The following AGBL1 variants were observed in gnomAD, a reference collection of about 807,000 sequenced individuals.
AGBL1 encodes AGBL carboxypeptidase 1.
A neutral mutation model predicts 118.9 loss-of-function variants in AGBL1; 130 were observed. The observed-to-expected ratio is 1.09, with a 90% confidence interval of 0.95 to 1.26. AGBL1 has a LOEUF of 1.26. Ranked by LOEUF, AGBL1 falls within the 50% of genes most tolerant of loss-of-function variation. The probability of loss-of-function intolerance (pLI) is 0.00; values close to 1 mark genes in which losing one functional copy is unlikely to be tolerated. For missense variants in AGBL1, 1,584 were observed against 1,298.1 expected (o/e 1.22, Z -3.38); for synonymous variants, 555 against 478.9 (o/e 1.16, Z -2.08).
chr15:86,439,888 T>A (rs1472333627), intron 18 of AGBL1, among the ~76,000 whole-genome samples: 2 of 152,112 alleles, frequency 1.3e-5, no homozygotes, highest in Non-Finnish European at 2.9e-5. Flanking sequence ...AATCCTTATG[T>A]CAGAGCACAG....
intron 2 of AGBL1, 34 bp downstream of exon 2, chr15:86,142,101 C>T (rs939278622): frequency 3.2e-5 from 50 of 1,545,508 alleles, no homozygotes; most frequent in Admixed American, 1.2e-4. Context: ...TTTCATATGG[C>T]GGATGTGGAG....
intron 5 of AGBL1, among the ~76,000 whole-genome samples, chr15:86,215,221 ATGCGTGTGTGTGTG>A (rs1299838148): frequency 4.8e-5 from 6 of 124,704 alleles, no homozygotes; most frequent in East Asian, 2.2e-4. Flanking sequence ...GTGTATATGT[ATGCGTGTGTGTGTG>A]TGTGTGTGTG....
At chr15:86,817,208 C>T (rs1223645992) in intron 22 of AGBL1, among the ~76,000 whole-genome samples, 1 of 149,212 alleles carries the variant, frequency 6.7e-6, no homozygotes, top group Non-Finnish European at 1.5e-5. Flanking sequence ...AGCAGAATTG[C>T]TTGATCTCAG....
chr15:86,772,617 G>A (rs1334706063), intron 22 of AGBL1, among the ~76,000 whole-genome samples: 2 of 151,860 alleles, frequency 1.3e-5, no homozygotes, highest in African/African-American at 2.4e-5. Context: ...GCTGGGCCTG[G>A]GATAATGCCA....
At chr15:86,153,174 G>C (rs959361250) in intron 3 of AGBL1, among the ~76,000 whole-genome samples, 2 of 152,042 alleles carry the variant, frequency 1.3e-5, no homozygotes, top group Non-Finnish European at 2.9e-5. Context: ...TATACCCAAA[G>C]GATTATAAAT....
chr15:86,185,144 C>T (rs2077611008), intron 5 of AGBL1, among the ~76,000 whole-genome samples: 1 of 152,146 alleles, frequency 6.6e-6, no homozygotes, highest in Non-Finnish European at 1.5e-5. Flanking sequence ...AGCCAACAGA[C>T]ACATGAAAAA....
At chr15:86,137,999 G>A (rs1228975454) in intron 1 of AGBL1, among the ~76,000 whole-genome samples, 1 of 152,112 alleles carries the variant, frequency 6.6e-6, no homozygotes, top group African/African-American at 2.4e-5. Flanking sequence ...TTGTTCTCAG[G>A]GAGTATCAGT....
chr15:86,153,830 T>C (rs1301579830), intron 3 of AGBL1, among the ~76,000 whole-genome samples: 1 of 152,212 alleles, frequency 6.6e-6, no homozygotes, highest in Non-Finnish European at 1.5e-5. Context: ...TTTATTTTTA[T>C]CTGAAATATT....
intron 22 of AGBL1, among the ~76,000 whole-genome samples, chr15:86,813,228 G>A (rs2078815763): frequency 6.6e-6 from 1 of 152,030 alleles, no homozygotes; most frequent in South Asian, 2.1e-4. Flanking sequence ...GGATGTGGAG[G>A]GAGAGGTTAG....
chr15:86,668,280 T>A (rs1221771553), intron 21 of AGBL1, among the ~76,000 whole-genome samples: 2 of 152,230 alleles, frequency 1.3e-5, no homozygotes, highest in African/African-American at 4.8e-5. Flanking sequence ...GAAGTTGTCT[T>A]CTCTGTAATA....
intron 18 of AGBL1, among the ~76,000 whole-genome samples, chr15:86,514,401 G>A (rs2083092516): frequency 6.6e-6 from 1 of 152,034 alleles, no homozygotes; most frequent in Admixed American, 6.6e-5. Flanking sequence ...AAACAAATTT[G>A]TGTATTGTTC....
intron 18 of AGBL1, among the ~76,000 whole-genome samples, chr15:86,456,593 T>C (rs1030963692): frequency 3.3e-5 from 5 of 152,196 alleles, no homozygotes; most frequent in Non-Finnish European, 4.4e-5. Flanking sequence ...GGCATGTCTG[T>C]AGGCTGGATC....
intron 21 of AGBL1, among the ~76,000 whole-genome samples, chr15:86,620,358 G>A (rs1442358989): frequency 6.6e-6 from 1 of 152,202 alleles, no homozygotes; most frequent in Non-Finnish European, 1.5e-5. Flanking sequence ...TGAAATTTGA[G>A]TTACATAGAG....
chr15:86,724,986 C>G (rs1411513101), intron 22 of AGBL1, among the ~76,000 whole-genome samples: 1 of 152,084 alleles, frequency 6.6e-6, no homozygotes, highest in African/African-American at 2.4e-5. Context: ...ATAACCCAGC[C>G]TCAAATATTC....
chr15:86,147,658 A>T (rs910530320), intron 3 of AGBL1, among the ~76,000 whole-genome samples: 3 of 152,046 alleles, frequency 2.0e-5, no homozygotes, highest in Admixed American at 6.6e-5. Flanking sequence ...CTGCCTCTAG[A>T]CTCCACTTCT....
chr15:86,196,833 T>C (rs2077811218), intron 5 of AGBL1, among the ~76,000 whole-genome samples: 2 of 144,244 alleles, frequency 1.4e-5, no homozygotes, highest in Admixed American at 6.9e-5. Flanking sequence ...CTTTCTCTCT[T>C]TCCTCCTCTC....
At chr15:86,336,976 A>G (rs1409441040) in intron 17 of AGBL1, among the ~76,000 whole-genome samples, 11 of 151,952 alleles carry the variant, frequency 7.2e-5, no homozygotes, top group Non-Finnish European at 1.3e-4. Flanking sequence ...GGGCCACAAG[A>G]CTCTGTATTT....
At chr15:86,971,765 C>A (rs1429402395) in intron 23 of AGBL1, among the ~76,000 whole-genome samples, 1 of 151,922 alleles carries the variant, frequency 6.6e-6, no homozygotes, top group African/African-American at 2.4e-5. Flanking sequence ...GTGTCCCCAC[C>A]AAAATCTCAT....
intron 21 of AGBL1, among the ~76,000 whole-genome samples, chr15:86,628,559 G>C (rs956948070): frequency 3.9e-5 from 6 of 152,138 alleles, no homozygotes; most frequent in African/African-American, 1.4e-4. Context: ...CCCTTTGGGA[G>C]GCCGAGGTGG....
Sources: allele counts gnomAD v4.1 joint callset (sites outside exome capture counted in the v4.1 genomes callset), GRCh38; gene constraint gnomAD v4.1.1; transcripts MANE v1.5; gene names NCBI Gene and HGNC (gene_info 2026-07-23, HGNC 2026-07-21).